The following PIK3CB variants were observed in gnomAD, a reference collection of about 807,000 sequenced individuals.
PIK3CB encodes phosphatidylinositol 4,5-bisphosphate 3-kinase catalytic subunit beta isoform.
In PIK3CB, 39 loss-of-function variants were observed where a neutral mutation model predicts 136.8. The observed-to-expected ratio is 0.29, with a 90% CI of 0.22 to 0.37. PIK3CB has a LOEUF of 0.37. Ranked by LOEUF, PIK3CB falls within the 10% of genes least tolerant of loss-of-function variation. The pLI is 1.00. For synonymous variants in PIK3CB, 428 were observed against 436.6 expected (o/e 0.98, Z 0.25); for missense variants, 868 against 1,275.4 (o/e 0.68, Z 4.87).
In PIK3CB at chr3:138,654,088, A is replaced by C. The variant is rs1168430444; in HGVS notation, c.*1301T>G. On this transcript the variant is annotated 3_prime_UTR_variant, in exon 24 of 24. Transcript: ENST00000674063. ...GAACATTAAGAAGGACAACAAAATT[A>C]AACATTCTTTAATAAAATTCCTATA... 1.5e-5 allele frequency: 3 copies of C among 195,956 alleles called. No homozygotes were observed. The highest frequency in any genetic ancestry group is 3.2e-5 in the Non-Finnish European group (3 of 94,506). 12.1% of individuals were successfully genotyped at this position (195,956 alleles called of 1,614,324 possible).
intron 4 of PIK3CB, among the ~76,000 whole-genome samples, chr3:138,750,960 A>G (rs2045459443): frequency 6.6e-6 from 1 of 152,146 alleles, no homozygotes; most frequent in African/African-American, 2.4e-5. Context: ...AACACTCAAT[A>G]CTACTGAACT....
intron 2 of PIK3CB, among the ~76,000 whole-genome samples, chr3:138,783,067 T>C (rs1002669172): frequency 6.6e-6 from 1 of 152,232 alleles, no homozygotes; most frequent in Non-Finnish European, 1.5e-5. Flanking sequence ...GCTACCATTA[T>C]GACACCAGCA....
chr3:138,689,906 A>G (rs1247423471), intron 15 of PIK3CB, among the ~76,000 whole-genome samples: 1 of 152,238 alleles, frequency 6.6e-6, no homozygotes, highest in East Asian at 1.9e-4. Context: ...TGAAACAGGT[A>G]TCTATGAAAT....
intron 13 of PIK3CB, 72 bp from the exon 14 acceptor site, chr3:138,694,979 A>T: frequency 2.7e-6 from 4 of 1,464,160 alleles, no homozygotes; most frequent in Non-Finnish European, 3.7e-6. Flanking sequence ...GACACACAGG[A>T]GCACCAAGAT....
At chr3:138,741,829 A>AC (rs2045251919) in intron 5 of PIK3CB, among the ~76,000 whole-genome samples, 1 of 151,152 alleles carries the variant, frequency 6.6e-6, no homozygotes, top group African/African-American at 2.4e-5. Context: ...CTCCGTCTAA[A>AC]AAAAAAAAAA....
chr3:138,744,139 C>A lies in PIK3CB; in HGVS notation c.398-1358G>T, dbSNP rs1433758858. On this transcript the variant is annotated intron_variant, in intron 4 of 23. Coordinates refer to ENST00000674063, the MANE Select transcript of PIK3CB (RefSeq NM_006219.3). ...GGGCGCAGTGGCTCACGCCTGTAAT[C>A]CCAGCACTTTGGGAGGCTGAGGCGG... Among the ~76,000 whole-genome samples the A allele has an allele frequency of 2.0e-5, 3 of 151,872 alleles. No individual in the cohort carries two copies. In the East Asian group the frequency reaches 5.8e-4, roughly 29 times the overall value.
intron 8 of PIK3CB, among the ~76,000 whole-genome samples, chr3:138,726,115 C>A (rs1295309425): frequency 6.6e-6 from 1 of 152,192 alleles, no homozygotes; most frequent in African/African-American, 2.4e-5. Flanking sequence ...CCCATGTGTG[C>A]ACTACACATT....
intron 2 of PIK3CB, among the ~76,000 whole-genome samples, chr3:138,789,000 CAA>C (rs2046018420): frequency 9.1e-6 from 1 of 110,040 alleles, no homozygotes; most frequent in African/African-American, 3.8e-5. Context: ...AAACAAAAAA[CAA>C]CACCACAGAG....
intron 19 of PIK3CB, among the ~76,000 whole-genome samples, chr3:138,668,775 C>T (rs751363979): frequency 2.6e-5 from 4 of 152,152 alleles, no homozygotes; most frequent in African/African-American, 4.8e-5. Flanking sequence ...GCCTTCAGTG[C>T]ATCCATCACT....
At chr3:138,756,247 T>C (rs923907873) in intron 3 of PIK3CB, among the ~76,000 whole-genome samples, 1 of 152,068 alleles carries the variant, frequency 6.6e-6, no homozygotes, top group African/African-American at 2.4e-5. Flanking sequence ...CAACAGCAAA[T>C]TATAGGAGAG....
intron 1 of PIK3CB, among the ~76,000 whole-genome samples, chr3:138,816,611 TA>T (rs1933343050): frequency 6.7e-6 from 1 of 149,994 alleles, no homozygotes; most frequent in Non-Finnish European, 1.5e-5. Context: ...AATAAATAAA[TA>T]AATAAATAAA....
intron 8 of PIK3CB, among the ~76,000 whole-genome samples, chr3:138,720,047 C>A (rs758643220): frequency 2.0e-5 from 3 of 151,998 alleles, no homozygotes; most frequent in African/African-American, 4.8e-5. Flanking sequence ...AAGAAAGATA[C>A]CAGTAATTGC....
Position 138,728,448 on chromosome 3 carries a change from A to T in PIK3CB, c.1050+4913T>A, listed in dbSNP as rs556381113. 5.3e-5 allele frequency among the ~76,000 whole-genome samples: 8 copies of T among 152,274 alleles called. No individual in the cohort carries two copies. The East Asian group carries it at 1.2e-3, about 22-fold the overall frequency. ...GCTAACACATCTTGACCGAGTGAAC[A>T]TTATTTCAGAAAAGTAAGGTTGGTT... is the stretch of plus-strand genomic sequence containing the variant. On this transcript the variant is annotated intron_variant, in intron 8 of 23. Transcript: ENST00000674063.
intron 13 of PIK3CB, among the ~76,000 whole-genome samples, chr3:138,697,911 T>C (rs1185839422): frequency 6.7e-6 from 1 of 150,152 alleles, no homozygotes; most frequent in Non-Finnish European, 1.5e-5. Flanking sequence ...GTTTGTATTT[T>C]TTGTAGAGAT....
intron 15 of PIK3CB, among the ~76,000 whole-genome samples, chr3:138,690,377 C>G (rs1003890983): frequency 2.4e-4 from 36 of 151,698 alleles, no homozygotes; most frequent in African/African-American, 8.5e-4. Flanking sequence ...TGTCTGAGTA[C>G]AGAGTCAGAA....
At chr3:138,708,259 T>C (rs1277948108) in intron 10 of PIK3CB, among the ~76,000 whole-genome samples, 1 of 132,170 alleles carries the variant, frequency 7.6e-6, no homozygotes, top group Non-Finnish European at 1.5e-5. Flanking sequence ...AATTTTTTCT[T>C]TTTCTTTTTT....
intron 2 of PIK3CB, among the ~76,000 whole-genome samples, chr3:138,788,992 A>G (rs1169947844): frequency 7.2e-6 from 1 of 138,476 alleles, no homozygotes; most frequent in Non-Finnish European, 1.5e-5. Flanking sequence ...AAAAAAAAAA[A>G]CAAAAAACAA....
chr3:138,657,511 C>A, intron 22 of PIK3CB, 179 bp downstream of exon 22: 1 of 549,544 alleles, frequency 1.8e-6, no homozygotes, highest in Non-Finnish European at 3.2e-6. Flanking sequence ...TCTGTTTCTC[C>A]TATCTGGGAA....
intron 1 of PIK3CB, among the ~76,000 whole-genome samples, chr3:138,827,397 G>T (rs1185679214): frequency 2.6e-5 from 4 of 152,216 alleles, no homozygotes; most frequent in African/African-American, 9.6e-5. Context: ...GCTCTAGCCT[G>T]TAATCAGAGC....
Sources: gnomAD v4.1 joint callset for allele counts (sites outside exome capture counted in the v4.1 genomes callset) on GRCh38, gnomAD v4.1.1 for gene constraint, MANE v1.5 for transcripts, NCBI Gene and HGNC (gene_info 2026-07-23, HGNC 2026-07-21) for gene names.